Variants in ARB2A observed in about 807,000 individuals in gnomAD.
ARB2A encodes cotranscriptional regulator ARB2A.
the ARB2A span, among the ~76,000 whole-genome samples, chr5:94,026,808 C>G: frequency 6.6e-6 from 1 of 152,192 alleles, no homozygotes; most frequent in Non-Finnish European, 1.5e-5. Flanking sequence ...CCCGCCCCAT[C>G]TGCCTAGGAT....
At chr5:94,010,585 T>C in the ARB2A span, among the ~76,000 whole-genome samples, 2 of 152,120 alleles carry the variant, frequency 1.3e-5, no homozygotes, top group Non-Finnish European at 2.9e-5. Context: ...CTTTTCATCA[T>C]TTATAGTGTT....
At chr5:93,953,586 G>A in the ARB2A span, among the ~76,000 whole-genome samples, 1 of 152,148 alleles carries the variant, frequency 6.6e-6, no homozygotes, top group Non-Finnish European at 1.5e-5. Flanking sequence ...GCACTGCACT[G>A]GGTCAGACCT....
the ARB2A span, among the ~76,000 whole-genome samples, chr5:93,788,187 T>G: frequency 6.6e-6 from 1 of 152,098 alleles, no homozygotes; most frequent in African/African-American, 2.4e-5. Context: ...TTAACATTGT[T>G]GATGGGGCTG....
At chr5:93,967,865 T>C in the ARB2A span, among the ~76,000 whole-genome samples, 1 of 151,854 alleles carries the variant, frequency 6.6e-6, no homozygotes, top group East Asian at 1.9e-4. Context: ...CTATAGAATA[T>C]CTCCCCATCT....
the ARB2A span, among the ~76,000 whole-genome samples, chr5:93,877,561 C>T: frequency 5.3e-5 from 8 of 151,982 alleles, no homozygotes; most frequent in East Asian, 1.9e-4. Flanking sequence ...ATATAAAGCA[C>T]GCTCAAAGAT....
At chr5:93,986,108 G>T in the ARB2A span, among the ~76,000 whole-genome samples, 2 of 146,836 alleles carry the variant, frequency 1.4e-5, no homozygotes, top group Non-Finnish European at 3.0e-5. Flanking sequence ...CTACCCTGCC[G>T]CCACCCCGTC....
At chr5:93,629,502 G>A in the ARB2A span, among the ~76,000 whole-genome samples, 5 of 151,988 alleles carry the variant, frequency 3.3e-5, no homozygotes, top group Non-Finnish European at 7.4e-5. Flanking sequence ...ATAACGTGAA[G>A]CTCAATAAAA....
chr5:93,698,133 T>C, the ARB2A span, among the ~76,000 whole-genome samples: 1 of 152,198 alleles, frequency 6.6e-6, no homozygotes, highest in African/African-American at 2.4e-5. Context: ...AAAAACTGTA[T>C]ATAATTGATC....
chr5:93,816,459 A>T, the ARB2A span, among the ~76,000 whole-genome samples: 1 of 152,278 alleles, frequency 6.6e-6, no homozygotes, highest in East Asian at 1.9e-4. Flanking sequence ...AATTCCTTTG[A>T]GTTCCCCTTA....
chr5:93,699,516 C>T, the ARB2A span, among the ~76,000 whole-genome samples: 1 of 152,098 alleles, frequency 6.6e-6, no homozygotes, highest in East Asian at 1.9e-4. Context: ...GGAATCCCCC[C>T]TTCCCTCAGT....
the ARB2A span, among the ~76,000 whole-genome samples, chr5:94,024,475 T>C: frequency 4.6e-5 from 7 of 152,108 alleles, no homozygotes; most frequent in Admixed American, 3.9e-4. Context: ...TATATAAACA[T>C]ATATACATAT....
At chr5:93,847,371 GA>G in the ARB2A span, among the ~76,000 whole-genome samples, 1 of 152,070 alleles carries the variant, frequency 6.6e-6, no homozygotes, top group Non-Finnish European at 1.5e-5. Flanking sequence ...TCTGATTTTA[GA>G]ATAAGGGCAC....
chr5:93,943,369 T>C, the ARB2A span, among the ~76,000 whole-genome samples: 1 of 152,106 alleles, frequency 6.6e-6, no homozygotes, highest in Non-Finnish European at 1.5e-5. Flanking sequence ...AAAAAAAGCA[T>C]CAAAGTCTGT....
the ARB2A span, among the ~76,000 whole-genome samples, chr5:94,058,577 G>A: frequency 6.6e-6 from 1 of 152,112 alleles, no homozygotes; most frequent in Non-Finnish European, 1.5e-5. Context: ...AAAATAGACT[G>A]TTAAAAATTC....
At chr5:93,812,509 C>T in the ARB2A span, among the ~76,000 whole-genome samples, 5 of 152,130 alleles carry the variant, frequency 3.3e-5, no homozygotes, top group South Asian at 2.1e-4. Flanking sequence ...GGGATTTCTA[C>T]GGTAGGAGAA....
chr5:93,973,498 G>A, the ARB2A span, among the ~76,000 whole-genome samples: 1 of 152,126 alleles, frequency 6.6e-6, no homozygotes. Flanking sequence ...ACATATTTGA[G>A]GATATAATTA....
the ARB2A span, among the ~76,000 whole-genome samples, chr5:93,660,663 C>A: frequency 6.6e-6 from 1 of 152,072 alleles, no homozygotes; most frequent in East Asian, 1.9e-4. Flanking sequence ...TGAAGGGGAG[C>A]AAATGAAGTA....
the ARB2A span, among the ~76,000 whole-genome samples, chr5:93,720,709 C>T: frequency 2.6e-5 from 4 of 152,128 alleles, no homozygotes; most frequent in East Asian, 5.8e-4. Context: ...AAGACAAGCT[C>T]GAATGCTAAT....
At chr5:94,068,411 G>C in the ARB2A span, among the ~76,000 whole-genome samples, 1 of 152,204 alleles carries the variant, frequency 6.6e-6, no homozygotes, top group African/African-American at 2.4e-5. Context: ...AGCAGTGGTG[G>C]ATGGGGAGCG....
Sources: gnomAD v4.1 joint callset for allele counts (sites outside exome capture counted in the v4.1 genomes callset) on GRCh38, gnomAD v4.1.1 for gene constraint, MANE v1.5 for transcripts, NCBI Gene and HGNC (gene_info 2026-07-23, HGNC 2026-07-21) for gene names.